Variants in PHAF1 observed in about 807,000 individuals in gnomAD.
The protein encoded by PHAF1 is phagosome assembly factor 1.
A neutral mutation model predicts 63.1 loss-of-function variants in PHAF1; 23 were observed. That is an observed-to-expected ratio of 0.36 (90% CI 0.26 to 0.52). The LOEUF is 0.52. Ranked by LOEUF, PHAF1 falls within the 20% of genes least tolerant of loss-of-function variation. PHAF1 has a pLI of 0.93. For missense variants in PHAF1, 427 were observed against 517.2 expected (o/e 0.83, Z 1.69); for synonymous variants, 167 against 185.0 (o/e 0.90, Z 0.79).
At chr16:67,130,943 G>A (rs1166725382) in intron 3 of PHAF1, among the ~76,000 whole-genome samples, 1 of 152,082 alleles carries the variant, frequency 6.6e-6, no homozygotes, top group Non-Finnish European at 1.5e-5. Context: ...GGGGAAACTG[G>A]TTTTTTCCCT....
At chr16:67,145,235 G>C in intron 12 of PHAF1, 141 bp from the exon 13 acceptor site, 1 of 932,172 alleles carries the variant, frequency 1.1e-6, no homozygotes, top group Non-Finnish European at 1.7e-6. Flanking sequence ...TTCCACCCTG[G>C]AACTCCAAAA....
Position 67,132,515 on chromosome 16 carries a change from C to G in PHAF1, c.345C>G (p.Thr115=). ...AGATTGACCAGTCTTTTGGCGCAAC[C>G]CATCCTGGAGGTAAGCCAAGTCCAT... ...IEQIDQSFGA[T]HPGVYNSAEQ... is the part of the protein sequence containing the mutation. The change falls in exon 5 of 16, where the codon ACC becomes ACG. Residue 115 remains threonine, a synonymous_variant. Transcript: ENST00000219139. 6.2e-7 allele frequency: 1 copy of G among 1,613,988 alleles called. No homozygotes were observed. The highest frequency in any genetic ancestry group is 1.3e-5 in the African/African-American group (1 of 75,024).
rs575892242 is a variant in PHAF1, at chr16:67,146,531, A to G, written c.1182+181A>G. ...CCACACTTAACAATGAAGGTTCAGA[A>G]ATGATGTTGAGAAATCTGGGGTCAC... On this transcript the variant is annotated intron_variant, in intron 15 of 15. Transcript: ENST00000219139. 5.3e-5 allele frequency among the ~76,000 whole-genome samples: 8 copies of G among 152,360 alleles called. No homozygotes were observed. The South Asian group carries it at 1.7e-3, about 32-fold the overall frequency.
intron 2 of PHAF1, among the ~76,000 whole-genome samples, chr16:67,122,836 C>T (rs1475537634): frequency 6.6e-6 from 1 of 152,082 alleles, no homozygotes; most frequent in Non-Finnish European, 1.5e-5. Context: ...TCAACCGATT[C>T]TCCTGCCTCA....
chr16:67,136,786 G>A (rs1006114905), intron 8 of PHAF1, among the ~76,000 whole-genome samples: 7 of 151,786 alleles, frequency 4.6e-5, no homozygotes, highest in Non-Finnish European at 8.8e-5. Context: ...TCCCTATGTT[G>A]CCCAGGCTGG....
At chr16:67,127,052 C>A (rs1347039149) in intron 3 of PHAF1, among the ~76,000 whole-genome samples, 2 of 151,520 alleles carry the variant, frequency 1.3e-5, no homozygotes, top group Non-Finnish European at 2.9e-5. Context: ...CTACGCCCAG[C>A]TAATTTTTTG....
At chr16:67,140,262 G>A (rs1963758639) in intron 9 of PHAF1, 145 bp downstream of exon 9, 1 of 1,115,190 alleles carries the variant, frequency 9.0e-7, no homozygotes, top group Non-Finnish European at 1.3e-6. Context: ...TCTAACCCCT[G>A]TAGTCCAATT....
intron 8 of PHAF1, among the ~76,000 whole-genome samples, chr16:67,137,338 T>C (rs1963648066): frequency 6.6e-6 from 1 of 152,126 alleles, no homozygotes; most frequent in Non-Finnish European, 1.5e-5. Context: ...TGTTGTTTTT[T>C]GACAGAGTCT....
rs1567656212 is a variant in PHAF1, at chr16:67,145,426, A to G, written c.1050+7A>G. 1 of 1,614,152 alleles carries G rather than the reference A, an allele frequency of 6.2e-7. No homozygotes were observed. On this transcript the variant is annotated splice_region_variant and intron_variant, in intron 13 of 15. Coordinates refer to ENST00000219139, the MANE Select transcript of PHAF1 (RefSeq NM_025187.5). ...ATGCACGACCTACAGCAAGGTGAGC[A>G]CCTATCTTCCTACCTGGCATAGCCT...
rs1329782742 is a variant in PHAF1 at position 67,110,083 on chromosome 16, G to A, written c.-93G>A. The A allele has an allele frequency of 7.3e-7, 1 of 1,363,492 alleles. No homozygotes were observed. Among genetic ancestry groups the A allele is most frequent in the African/African-American group, 1.4e-5 (1 of 69,290 alleles). The allele number at this position is 1,363,492 out of a possible 1,614,324, so 84.5% of individuals were successfully genotyped here. On this transcript the variant is annotated 5_prime_UTR_variant, in exon 1 of 16. Transcript: ENST00000219139. The stretch of plus-strand genomic sequence containing the variant: ...GAAAGCGGGGCTGTGGCGGGCCGGC[G>A]GGGGCGGCCTGTCAGCCGCTGCTTT...
rs752631453 is a variant in PHAF1 at position 67,144,382 on chromosome 16, T to C, written c.962+6T>C. 6.3e-7 allele frequency: 1 copy of C among 1,580,076 alleles called. No individual in the cohort carries two copies. The highest frequency in any genetic ancestry group is 8.7e-7 in the Non-Finnish European group (1 of 1,149,072). ...GGGCATTATAATTTCAACATGTGAG[T>C]ACACCTGTCTGTACCTCCCCTCTGT... On this transcript the variant is annotated splice_donor_region_variant and intron_variant, in intron 11 of 15. Transcript: ENST00000219139.
intron 2 of PHAF1, among the ~76,000 whole-genome samples, chr16:67,123,765 A>G (rs751189399): frequency 3.3e-5 from 5 of 151,946 alleles, no homozygotes; most frequent in Non-Finnish European, 7.4e-5. Context: ...TTCCTTACCC[A>G]TTTGTCTCTT....
chr16:67,140,421 T>G, intron 9 of PHAF1, 90 bp from the exon 10 acceptor site: 1 of 1,171,190 alleles, frequency 8.5e-7, no homozygotes, highest in South Asian at 1.3e-5. Context: ...AGCTTAATGT[T>G]ACACATGGAA....
In PHAF1 at chr16:67,120,204, G is replaced by T; in HGVS notation, c.147+10G>T. On this transcript the variant is annotated intron_variant, in intron 2 of 15. Coordinates refer to ENST00000219139, the MANE Select transcript of PHAF1 (RefSeq NM_025187.5). ...TCTCTACAGTGAACAGGTGAGTGGT[G>T]GCTGATTTGTTTATTGAAATAGCAT... The T allele has an allele frequency of 6.2e-7, 1 of 1,609,656 alleles. No homozygotes were observed. Among genetic ancestry groups the T allele is most frequent in the Non-Finnish European group, 8.5e-7 (1 of 1,177,142 alleles).
At chr16:67,126,872 G>A (rs1963213232) in intron 3 of PHAF1, among the ~76,000 whole-genome samples, 1 of 150,528 alleles carries the variant, frequency 6.6e-6, no homozygotes, top group Admixed American at 6.6e-5. Context: ...ACAGGCGTGA[G>A]CCACCATGAC....
chr16:67,119,913 A>G (rs1397333650), intron 1 of PHAF1, among the ~76,000 whole-genome samples, 199 bp from the exon 2 acceptor site: 1 of 152,150 alleles, frequency 6.6e-6, no homozygotes, highest in Non-Finnish European at 1.5e-5. Flanking sequence ...GCACCGTCCA[A>G]GTATTCTCTT....
intron 1 of PHAF1, among the ~76,000 whole-genome samples, chr16:67,113,698 C>T (rs1381384630): frequency 6.6e-6 from 1 of 151,202 alleles, no homozygotes; most frequent in African/African-American, 2.4e-5. Flanking sequence ...ATCCGCCCAC[C>T]TCGGCCTCCC....
intron 2 of PHAF1, among the ~76,000 whole-genome samples, chr16:67,122,713 A>T (rs2145838271): frequency 6.6e-6 from 1 of 152,224 alleles, no homozygotes; most frequent in East Asian, 1.9e-4. Flanking sequence ...TTTCTTGATA[A>T]TAGAATAATC....
At chr16:67,133,412 T>TG (rs1963480396) in intron 6 of PHAF1, among the ~76,000 whole-genome samples, 1 of 151,184 alleles carries the variant, frequency 6.6e-6, no homozygotes, top group Non-Finnish European at 1.5e-5. Context: ...CCCAGCACTT[T>TG]GGGAGGCCAA....
Sources: gnomAD v4.1 joint callset for allele counts (sites outside exome capture counted in the v4.1 genomes callset) on GRCh38, gnomAD v4.1.1 for gene constraint, MANE v1.5 for transcripts, NCBI Gene and HGNC (gene_info 2026-07-23, HGNC 2026-07-21) for gene names.